The following ACSM2B variants were observed in gnomAD, a reference collection of about 807,000 sequenced individuals.
ACSM2B encodes the protein acyl-CoA synthetase medium chain family member 2B.
ACSM2B carries 58 observed loss-of-function variants against 78.6 expected under a neutral mutation model. The ratio of observed to expected loss-of-function variants is 0.74; its 90% CI spans 0.60 to 0.92. The LOEUF is 0.92. Ranked by LOEUF, ACSM2B falls within the 40% of genes least tolerant of loss-of-function variation. ACSM2B has a pLI of 0.00. For synonymous variants in ACSM2B, 257 were observed against 256.8 expected (o/e 1.00, Z -0.01); for missense variants, 688 against 711.2 (o/e 0.97, Z 0.37).
intron 6 of ACSM2B, among the ~76,000 whole-genome samples, chr16:20,550,799 A>G (rs2015289813): frequency 6.6e-6 from 1 of 152,144 alleles, no homozygotes; most frequent in East Asian, 1.9e-4. Flanking sequence ...GGTCATTTTC[A>G]TTGCTTTGTT....
chr16:20,566,660 GTATATATAGTA>G (rs2015865652), intron 1 of ACSM2B, among the ~76,000 whole-genome samples: 1 of 6,966 alleles, frequency 1.4e-4, no homozygotes, highest in African/African-American at 4.7e-4. Context: ...CTATATATAT[GTATATATAGTA>G]TATACATATA....
At chr16:20,538,576 A>G (rs1214278729) in intron 13 of ACSM2B, among the ~76,000 whole-genome samples, 3 of 152,100 alleles carry the variant, frequency 2.0e-5, no homozygotes, top group Non-Finnish European at 1.5e-5. Flanking sequence ...GTAGTTGGTG[A>G]AAGGAGGGGG....
chr16:20,556,785 G>A (rs1480165440), intron 3 of ACSM2B, among the ~76,000 whole-genome samples: 1 of 151,992 alleles, frequency 6.6e-6, no homozygotes, highest in South Asian at 2.1e-4. Flanking sequence ...CTACCATGGT[G>A]GTCAATTGAG....
chr16:20,547,629 T>A, intron 8 of ACSM2B: 1 of 1,006,464 alleles, frequency 9.9e-7, no homozygotes, highest in Non-Finnish European at 1.2e-6. Flanking sequence ...GGGTTCTTCT[T>A]CCCATTCCTC....
chr16:20,570,264 C>A (rs1168347020), intron 1 of ACSM2B, among the ~76,000 whole-genome samples: 1 of 151,816 alleles, frequency 6.6e-6, no homozygotes, highest in East Asian at 1.9e-4. Flanking sequence ...GGGTTTTAAT[C>A]ATAAGAGGAT....
intron 2 of ACSM2B, among the ~76,000 whole-genome samples, chr16:20,560,879 T>G (rs2015632654): frequency 6.6e-6 from 1 of 152,030 alleles, no homozygotes; most frequent in Non-Finnish European, 1.5e-5. Context: ...AATAAGGAAC[T>G]TTTCGGGAAC....
At chr16:20,561,529 C>T (rs373270370) in intron 2 of ACSM2B, among the ~76,000 whole-genome samples, 6 of 151,952 alleles carry the variant, frequency 3.9e-5, no homozygotes, top group South Asian at 4.2e-4. Context: ...GGGACCTGCC[C>T]GTATGATCCA....
At chr16:20,540,920 C>A in intron 12 of ACSM2B, 147 bp from the exon 13 acceptor site, 1 of 1,271,654 alleles carries the variant, frequency 7.9e-7, no homozygotes, top group African/African-American at 1.5e-5. Context: ...AAGGGAGAAA[C>A]TGGGGACAAG....
intron 1 of ACSM2B, among the ~76,000 whole-genome samples, chr16:20,568,342 TATATC>T (rs965689600): frequency 1.4e-5 from 2 of 144,392 alleles, no homozygotes; most frequent in Admixed American, 7.1e-5. Context: ...ATGTATATAA[TATATC>T]ATATATCATA....
intron 10 of ACSM2B, among the ~76,000 whole-genome samples, chr16:20,543,776 C>G (rs1282918434): frequency 6.6e-6 from 1 of 152,038 alleles, no homozygotes; most frequent in African/African-American, 2.4e-5. Context: ...AATGAAAAGG[C>G]TTGAGCTTTA....
At position 20,548,445 on chromosome 16, in the gene ACSM2B, A is replaced by G. The variant is rs1253172307; in HGVS notation, c.923T>C (p.Met308Thr). Reference protein sequence around the residue: ...KTLSSYPIKSMMGAPIVYRML... With the variant: ...KTLSSYPIKSTMGAPIVYRML... ...CCGGTAAACAATAGGGGCACCCATCATACTCTTGATTGGATAACTGGAGAG... is the reference window on the plus strand; with the variant it reads ...CCGGTAAACAATAGGGGCACCCATCGTACTCTTGATTGGATAACTGGAGAG... Residue 308 changes from methionine to threonine, a missense_variant, in exon 7 of 14, where the codon ATG becomes ACG. By Grantham distance (81) the Met-to-Thr change is moderately conservative. Transcript: ENST00000329697. 5 of 1,613,680 alleles carry G rather than the reference A, an allele frequency of 3.1e-6. No homozygotes were observed. The highest frequency in any genetic ancestry group is 1.7e-5 in the Admixed American group (1 of 60,008).
chr16:20,560,419 T>C (rs1390560472), intron 2 of ACSM2B, among the ~76,000 whole-genome samples: 2 of 151,934 alleles, frequency 1.3e-5, no homozygotes, highest in East Asian at 3.9e-4. Flanking sequence ...TAAAAGTGAG[T>C]GGCACCTTCT....
chr16:20,551,619 A>T (rs2015313079), intron 6 of ACSM2B, among the ~76,000 whole-genome samples: 1 of 152,102 alleles, frequency 6.6e-6, no homozygotes, highest in African/African-American at 2.4e-5. Flanking sequence ...ATGGTATTTT[A>T]TTATAGTAGC....
At chr16:20,550,071 G>A (rs1280424972) in intron 6 of ACSM2B, among the ~76,000 whole-genome samples, 3 of 152,010 alleles carry the variant, frequency 2.0e-5, no homozygotes, top group Non-Finnish European at 4.4e-5. Flanking sequence ...GTCCCACTCC[G>A]ACTTCCTGTC....
intron 8 of ACSM2B, chr16:20,547,430 G>C (rs1051445190): frequency 2.4e-5 from 24 of 984,710 alleles, no homozygotes; most frequent in Admixed American, 6.1e-5. Context: ...AGAGTGGAGA[G>C]GAAGAGGCAA....
chr16:20,560,783 G>C (rs367929589), intron 2 of ACSM2B, among the ~76,000 whole-genome samples: 2 of 152,076 alleles, frequency 1.3e-5, no homozygotes, highest in African/African-American at 4.8e-5. Flanking sequence ...AGTTTGGAAC[G>C]TCTTAGGCAC....
rs374304232 is a variant in ACSM2B, at chr16:20,546,754, A to G, written c.1099-280T>C. The G allele has an allele frequency of 2.7e-5, 10 of 367,614 alleles. No homozygotes were observed. The South Asian group carries it at 3.3e-4, about 12-fold the overall frequency. 22.8% of individuals were successfully genotyped at this position (367,614 alleles called of 1,614,324 possible). ...CTCTTTTAGGGGGAGTCACATTTTA[A>G]TACGACGCTATGGATACCCAAAGCC... On this transcript the variant is annotated intron_variant, in intron 8 of 13. Coordinates refer to ENST00000329697, the MANE Select transcript of ACSM2B (RefSeq NM_001105069.2).
At chr16:20,555,624 T>A (rs1301054480) in intron 3 of ACSM2B, 148 bp from the exon 4 acceptor site, 21 of 1,460,298 alleles carry the variant, frequency 1.4e-5, no homozygotes, top group African/African-American at 2.9e-5. Context: ...AAAAGGGGAC[T>A]AAGGACTAGG....
At chr16:20,537,506 G>T (rs567117625) in intron 13 of ACSM2B, 144 bp from the exon 14 acceptor site, 3 of 833,196 alleles carry the variant, frequency 3.6e-6, no homozygotes, top group Non-Finnish European at 5.9e-6. Flanking sequence ...AGCTTCAGAA[G>T]GTGCTCTGGG....
Sources: allele counts gnomAD v4.1 joint callset (sites outside exome capture counted in the v4.1 genomes callset), GRCh38; gene constraint gnomAD v4.1.1; transcripts MANE v1.5; gene names NCBI Gene and HGNC (gene_info 2026-07-23, HGNC 2026-07-21).